Variants in BMP1 observed in about 807,000 individuals in gnomAD.
BMP1 encodes the protein bone morphogenetic protein 1.
BMP1 carries 63 observed loss-of-function variants against 116.8 expected under a neutral mutation model. The observed-to-expected ratio is 0.54, with a 90% CI of 0.44 to 0.67. The LOEUF (loss-of-function observed/expected upper bound fraction) is 0.67. Among genes scored for constraint, BMP1 ranks in the 30% least tolerant of loss-of-function variants. BMP1 has a pLI of 0.00. For missense variants in BMP1, 1,183 were observed against 1,358.9 expected, an observed-to-expected ratio of 0.87 and a Z score of 2.04; for synonymous variants, 536 against 533.4, an observed-to-expected ratio of 1.00 and a Z score of -0.07.
chr8:22,194,704 G>A lies in BMP1; in HGVS notation c.1444-20G>A, dbSNP rs1388156023. ...TCTGGCAGCCAGAGCCCCTTCCACT[G>A]ATGAAGCCTCGACCCCTAGATTGAG... is the stretch of plus-strand genomic sequence containing the variant. On this transcript the variant is annotated intron_variant, in intron 11 of 19. Transcript: ENST00000306385. This position sits in a 1 kb window ranked among gnomAD's most constrained non-coding sequence, Gnocchi z 4.5. 3 of 1,594,100 alleles carry A rather than the reference G, an allele frequency of 1.9e-6. No homozygotes were observed. Among genetic ancestry groups the A allele is most frequent in the Admixed American group, 1.7e-5 (1 of 57,930 alleles).
intron 15 of BMP1, chr8:22,198,837 C>T (rs749558461): frequency 9.9e-5 from 75 of 755,232 alleles, no homozygotes; most frequent in Non-Finnish European, 1.2e-4. Context: ...CTCCTGCCCC[C>T]AACCCCCGCT....
chr8:22,176,743 C>G (rs1828448020), intron 4 of BMP1, 93 bp downstream of exon 4: 1 of 1,377,980 alleles, frequency 7.3e-7, no homozygotes, highest in South Asian at 1.2e-5. Flanking sequence ...TGGGCACAGC[C>G]TTGGGTCCCT....
chr8:22,208,132 C>A (rs1361097804), intron 18 of BMP1, among the ~76,000 whole-genome samples: 2 of 152,230 alleles, frequency 1.3e-5, no homozygotes, highest in African/African-American at 4.8e-5. Context: ...GATCCGCCCG[C>A]CTTGGCCTCC....
intron 8 of BMP1, among the ~76,000 whole-genome samples, chr8:22,182,975 T>G (rs947834421): frequency 2.0e-5 from 3 of 152,270 alleles, no homozygotes; most frequent in African/African-American, 7.2e-5. Context: ...AAACAATGCT[T>G]ATTTTCATTT....
At position 22,207,565 on chromosome 8, in the gene BMP1, TG is replaced by T. The variant is rs573516181; in HGVS notation, c.2575+53del. On this transcript the variant is annotated intron_variant, in intron 18 of 19. Coordinates refer to ENST00000306385, the MANE Select transcript of BMP1 (RefSeq NM_006129.5). ...GTTCACTGAGCCTGGTCTCCAAGACTGGGGTAGAGTCGGGGGTTTCAATGCG... is the reference window on the plus strand; with the variant it reads ...GTTCACTGAGCCTGGTCTCCAAGACTGGGTAGAGTCGGGGGTTTCAATGCG... 230 of 1,594,764 alleles carry T rather than the reference TG, an allele frequency of 1.4e-4. 1 individual carries two copies. The African/African-American group carries it at 2.9e-3, about 20-fold the overall frequency.
At chr8:22,181,104 A>G (rs1828607876) in intron 8 of BMP1, among the ~76,000 whole-genome samples, 1 of 152,186 alleles carries the variant, frequency 6.6e-6, no homozygotes, top group Non-Finnish European at 1.5e-5. Flanking sequence ...CCCCTTGCTC[A>G]GGCCAGGACC....
At chr8:22,183,943 C>G (rs1197745120) in intron 8 of BMP1, among the ~76,000 whole-genome samples, 1 of 152,190 alleles carries the variant, frequency 6.6e-6, no homozygotes, top group East Asian at 1.9e-4. Context: ...CAGATGCTAA[C>G]ATTATCCCTG....
intron 1 of BMP1, among the ~76,000 whole-genome samples, chr8:22,172,192 A>G (rs1258979424): frequency 6.6e-6 from 1 of 152,216 alleles, no homozygotes; most frequent in Admixed American, 6.5e-5. Flanking sequence ...TGAGAAGCAG[A>G]TGTTGCTGTG....
intron 18 of BMP1, among the ~76,000 whole-genome samples, chr8:22,207,923 G>A (rs965143908): frequency 2.0e-5 from 3 of 151,454 alleles, no homozygotes; most frequent in East Asian, 1.9e-4. Context: ...TTGCTCTGTC[G>A]CCCAGGCTGG....
chr8:22,182,986 G>A (rs1038624761), intron 8 of BMP1, among the ~76,000 whole-genome samples: 1 of 152,162 alleles, frequency 6.6e-6, no homozygotes, highest in African/African-American at 2.4e-5. Context: ...ATTTTCATTT[G>A]TTGTAATTTG....
Position 22,168,531 on chromosome 8 carries a change from T to A in BMP1, c.148+2978T>A, listed in dbSNP as rs143454096. On this transcript the variant is annotated intron_variant, in intron 1 of 19. Transcript: ENST00000306385. ...AGTGACCCTGTGCCAGTGAGGCCCC[T>A]GCTACCACCTCAACCTCATCTGACA... Among the ~76,000 whole-genome samples the A allele has an allele frequency of 6.2e-3, 946 of 152,266 alleles. 13 individuals are homozygous for A. The highest frequency in any genetic ancestry group is 0.022 in the African/African-American group (908 of 41,566).
chr8:22,166,376 A>G (rs1285141081), intron 1 of BMP1, among the ~76,000 whole-genome samples: 1 of 149,486 alleles, frequency 6.7e-6, no homozygotes, highest in Non-Finnish European at 1.5e-5. Context: ...GTTTGCCTGT[A>G]TGTGTGTGTG....
intron 8 of BMP1, among the ~76,000 whole-genome samples, chr8:22,183,434 T>C (rs1357015291): frequency 6.6e-6 from 1 of 152,050 alleles, no homozygotes; most frequent in East Asian, 1.9e-4. Context: ...AACAAAAAAT[T>C]ACATTCCTTT....
intron 1 of BMP1, chr8:22,169,892 A>G (rs1828226935): frequency 6.6e-6 from 1 of 152,218 alleles, no homozygotes; most frequent in Non-Finnish European, 1.5e-5. Context: ...CTGGAAAACA[A>G]CACAAAAAAT....
intron 15 of BMP1, among the ~76,000 whole-genome samples, chr8:22,199,999 C>T (rs545269267): frequency 6.6e-6 from 1 of 152,186 alleles, no homozygotes; most frequent in Non-Finnish European, 1.5e-5. Flanking sequence ...GGAATAGGCC[C>T]CCTTGCACAG....
At chr8:22,201,306 A>C (rs1829256963) in intron 15 of BMP1, 2 of 1,510,472 alleles carry the variant, frequency 1.3e-6, no homozygotes, top group Non-Finnish European at 1.8e-6. Flanking sequence ...CCACTCTGCC[A>C]TTCCGGCCCA....
intron 13 of BMP1, chr8:22,196,168 C>G (rs1339558695): frequency 3.9e-6 from 2 of 517,944 alleles, no homozygotes; most frequent in Non-Finnish European, 3.8e-6. Flanking sequence ...TAACTGATAT[C>G]ACCACCCACC....
intron 9 of BMP1, among the ~76,000 whole-genome samples, chr8:22,193,726 G>A (rs1382594683): frequency 1.3e-5 from 2 of 152,264 alleles, no homozygotes; most frequent in Non-Finnish European, 2.9e-5. Flanking sequence ...AGAGGTTGCA[G>A]TGAGCCAAGA....
intron 5 of BMP1, 41 bp from the exon 6 acceptor site, chr8:22,177,811 C>A (rs761884336): frequency 4.1e-6 from 6 of 1,459,670 alleles, no homozygotes; most frequent in Non-Finnish European, 9.5e-7. Context: ...GGCAGACCCA[C>A]CCCCTCCTCT....
Sources: gnomAD v4.1 joint callset for allele counts (sites outside exome capture counted in the v4.1 genomes callset) on GRCh38, gnomAD v4.1.1 for gene constraint, Gnocchi (gnomAD v3.1) non-coding constraint, MANE v1.5 for transcripts, NCBI Gene and HGNC (gene_info 2026-07-23, HGNC 2026-07-21) for gene names.